PBX1: variants seen among roughly 807,000 people sequenced by gnomAD.
The protein encoded by PBX1 is pre-B-cell leukemia transcription factor 1.
In PBX1, 6 loss-of-function variants were observed where a neutral mutation model predicts 53.4. The observed-to-expected ratio is 0.11, with a 90% CI of 0.06 to 0.22. The LOEUF (loss-of-function observed/expected upper bound fraction) is 0.22, where lower values mean the gene tolerates loss of function less well. Ranked by LOEUF, PBX1 falls within the 10% of genes least tolerant of loss-of-function variation. The probability of loss-of-function intolerance (pLI) is 1.00; values close to 1 mark genes in which losing one functional copy is unlikely to be tolerated. For missense variants in PBX1, 251 were observed against 551.4 expected (o/e 0.46, Z 5.46); for synonymous variants, 204 against 212.3 (o/e 0.96, Z 0.34).
chr1:164,759,897 G>T (rs1030214636), intron 2 of PBX1, among the ~76,000 whole-genome samples: 2 of 152,122 alleles, frequency 1.3e-5, no homozygotes, highest in Admixed American at 1.3e-4. Flanking sequence ...CAGATGCCCA[G>T]TTCACACAGT....
intron 2 of PBX1, among the ~76,000 whole-genome samples, chr1:164,719,939 A>G (rs1291142595): frequency 6.6e-6 from 1 of 152,210 alleles, no homozygotes; most frequent in East Asian, 1.9e-4. Flanking sequence ...AACATCCTCA[A>G]GGTAAAGCTC....
At position 164,820,127 on chromosome 1, in the gene PBX1, G is replaced by A. The variant is rs548599018; in HGVS notation, c.1053G>A (p.Gln351=). ...SNSGDLFMSV[Q]SLNGDSYQGA... is the part of the protein sequence containing the mutation. ...CTGGAGATTTGTTCATGAGCGTGCAGTCACTCAATGGGGATTCTTACCAAG... is the reference window on the plus strand; with the variant it reads ...CTGGAGATTTGTTCATGAGCGTGCAATCACTCAATGGGGATTCTTACCAAG... The change falls in exon 7 of 9, where the codon CAG becomes CAA. Residue 351 remains glutamine (Q), a synonymous_variant. Coordinates refer to ENST00000420696, the MANE Select transcript of PBX1 (RefSeq NM_002585.4). 33 of 1,613,856 alleles carry A rather than the reference G, an allele frequency of 2.0e-5. No individual in the cohort carries two copies. The East Asian group carries it at 4.5e-4, about 22-fold the overall frequency.
intron 2 of PBX1, among the ~76,000 whole-genome samples, chr1:164,670,203 GA>G (rs1661038499): frequency 6.6e-6 from 1 of 152,160 alleles, no homozygotes; most frequent in Non-Finnish European, 1.5e-5. Context: ...AGGTCCAGGG[GA>G]AACTGCCTAG....
chr1:164,567,276 G>A (rs1343876607), intron 2 of PBX1, among the ~76,000 whole-genome samples: 1 of 152,168 alleles, frequency 6.6e-6, no homozygotes, highest in Non-Finnish European at 1.5e-5. Context: ...ATTAGGCCTT[G>A]AGCAAAATAG....
intron 2 of PBX1, among the ~76,000 whole-genome samples, chr1:164,629,792 T>C (rs752424151): frequency 2.0e-5 from 3 of 152,208 alleles, no homozygotes; most frequent in Non-Finnish European, 2.9e-5. Flanking sequence ...AGGCTGTACC[T>C]CCAAATTTCT....
At position 164,620,152 on chromosome 1, in the gene PBX1, C is replaced by T. The variant is rs148532559; in HGVS notation, c.265+56841C>T. The stretch of plus-strand genomic sequence containing the variant: ...AAGGCTGCAGTGAGCCATGATTGGA[C>T]CTGGCAGCAGAGTGAGATCCTATCA... On this transcript the variant is annotated intron_variant, in intron 2 of 8. Coordinates refer to ENST00000420696, the MANE Select transcript of PBX1 (RefSeq NM_002585.4). Among the ~76,000 whole-genome samples, 30 of 152,248 alleles carry T rather than the reference C, an allele frequency of 2.0e-4. 1 individual carries two copies. In the East Asian group the frequency reaches 5.8e-3, roughly 29 times the overall value.
At chr1:164,731,830 C>T (rs1050619332) in intron 2 of PBX1, among the ~76,000 whole-genome samples, 7 of 152,186 alleles carry the variant, frequency 4.6e-5, no homozygotes, top group African/African-American at 1.4e-4. Context: ...AGCATGAGCT[C>T]GGCGGCCTGT....
chr1:164,810,229 C>T (rs1254748051), intron 5 of PBX1, among the ~76,000 whole-genome samples: 2 of 152,174 alleles, frequency 1.3e-5, no homozygotes, highest in African/African-American at 4.8e-5. Flanking sequence ...TTCTGTATTT[C>T]ATGTCTCATT....
intron 2 of PBX1, among the ~76,000 whole-genome samples, chr1:164,698,553 T>C (rs956197340): frequency 6.6e-6 from 1 of 152,104 alleles, no homozygotes. Context: ...CAGGACTCAA[T>C]GTTGCCAGCC....
intron 2 of PBX1, among the ~76,000 whole-genome samples, chr1:164,650,103 A>G (rs1042859875): frequency 6.6e-6 from 1 of 152,166 alleles, no homozygotes; most frequent in Non-Finnish European, 1.5e-5. Flanking sequence ...ATGTAGTGCT[A>G]CAGATCCCAT....
chr1:164,730,540 T>C (rs550302303), intron 2 of PBX1, among the ~76,000 whole-genome samples: 2 of 152,296 alleles, frequency 1.3e-5, no homozygotes, highest in Admixed American at 6.5e-5. Flanking sequence ...CAAGCCCCTC[T>C]CATTCCTCTG....
Position 164,851,543 on chromosome 1 carries a change from T to C in PBX1, c.*4867T>C, listed in dbSNP as rs142594726. ...TTTCTCTCTTATTACTTCTTTCCTT[T>C]GGCATTTTCAATTTGAAATGCTTTC... is the stretch of plus-strand genomic sequence containing the variant. On this transcript the variant is annotated 3_prime_UTR_variant, in exon 9 of 9. Transcript: ENST00000420696. The C allele has an allele frequency of 7.4e-3, 1,379 of 187,202 alleles. 45 individuals carry two copies. The highest frequency in any genetic ancestry group is 0.067 in the East Asian group (782 of 11,650). The allele number at this position is 187,202 out of a possible 1,614,324, so 11.6% of individuals were successfully genotyped here. A position where few individuals can be genotyped will look rare whatever the true frequency, so the allele number is the denominator to read the frequency against.
At chr1:164,587,642 G>A (rs1459241948) in intron 2 of PBX1, among the ~76,000 whole-genome samples, 3 of 151,974 alleles carry the variant, frequency 2.0e-5, no homozygotes, top group Non-Finnish European at 4.4e-5. Flanking sequence ...TTAAATACAC[G>A]GATTCACTTC....
intron 2 of PBX1, among the ~76,000 whole-genome samples, chr1:164,694,394 G>C (rs929651735): frequency 2.0e-5 from 3 of 152,152 alleles, no homozygotes; most frequent in Admixed American, 2.0e-4. Context: ...TGAGGACAGA[G>C]GACTTATCTT....
At position 164,810,466 on chromosome 1, in the gene PBX1, C is replaced by A. The variant is rs370805082; in HGVS notation, c.838-1524C>A. ...CCCACAACATGTCCCCTCTTTACCC[C>A]CTTCAGCTCATATTTTTTTTACATA... is the stretch of plus-strand genomic sequence containing the variant. On this transcript the variant is annotated intron_variant, in intron 5 of 8. Transcript: ENST00000420696. Among the ~76,000 whole-genome samples the A allele has an allele frequency of 3.3e-5, 5 of 152,262 alleles. No homozygotes were observed. In the East Asian group the frequency reaches 5.8e-4, roughly 18 times the overall value.
At chr1:164,841,920 A>T (rs1671316715) in intron 8 of PBX1, among the ~76,000 whole-genome samples, 1 of 152,144 alleles carries the variant, frequency 6.6e-6, no homozygotes, top group Non-Finnish European at 1.5e-5. Context: ...CCATATGCAG[A>T]TCTAGCTCCA....
Position 164,612,172 on chromosome 1 carries a change from GTTGTAATAAAGCTTTTTCTGC to G in PBX1, c.265+48865_265+48885del, listed in dbSNP as rs528334901. 1.3e-4 allele frequency among the ~76,000 whole-genome samples: 20 copies of G among 152,240 alleles called. No homozygotes were observed. The South Asian group carries it at 3.9e-3, about 30-fold the overall frequency. ...TGGTGTATTGCACTGAAGTTGGTAG[GTTGTAATAAAGCTTTTTCTGC>G]TTGGACCTTCCACCTCTGGGCGCCT... is the stretch of plus-strand genomic sequence containing the variant. On this transcript the variant is annotated intron_variant, in intron 2 of 8. Coordinates refer to ENST00000420696, the MANE Select transcript of PBX1 (RefSeq NM_002585.4).
intron 2 of PBX1, chr1:164,630,951 T>C (rs1292776344): frequency 1.3e-5 from 2 of 152,212 alleles, no homozygotes; most frequent in Non-Finnish European, 2.9e-5. Context: ...CCAGCAGCTT[T>C]CCAGGTAGCA....
At chr1:164,753,056 A>C (rs1326437334) in intron 2 of PBX1, among the ~76,000 whole-genome samples, 1 of 152,164 alleles carries the variant, frequency 6.6e-6, no homozygotes, top group Non-Finnish European at 1.5e-5. Context: ...TATTTTGCAA[A>C]TTTTCCAGCA....
Sources: allele counts gnomAD v4.1 joint callset (sites outside exome capture counted in the v4.1 genomes callset), GRCh38; gene constraint gnomAD v4.1.1; transcripts MANE v1.5; gene names NCBI Gene and HGNC (gene_info 2026-07-23, HGNC 2026-07-21).